The following SHROOM3 variants were observed in gnomAD, a reference collection of about 807,000 sequenced individuals.
SHROOM3 encodes the protein protein Shroom3.
In SHROOM3, 47 loss-of-function variants were observed where a neutral mutation model predicts 138.6. That is an observed-to-expected ratio of 0.34 (90% CI 0.27 to 0.43). SHROOM3 has a LOEUF of 0.43. Among genes scored for constraint, SHROOM3 ranks in the 20% least tolerant of loss-of-function variants. The pLI is 1.00. For synonymous variants in SHROOM3, 1,062 were observed against 1,063.3 expected, an observed-to-expected ratio of 1.00 and a Z score of 0.02; for missense variants, 2,491 against 2,596.5, an observed-to-expected ratio of 0.96 and a Z score of 0.88.
At chr4:76,654,148 G>A (rs1736017152) in intron 2 of SHROOM3, among the ~76,000 whole-genome samples, 1 of 152,166 alleles carries the variant, frequency 6.6e-6, no homozygotes, top group African/African-American at 2.4e-5. Context: ...TCTTAGATAA[G>A]TGGGTAGAGG....
At chr4:76,774,813 T>G (rs955491825) in intron 10 of SHROOM3, among the ~76,000 whole-genome samples, 3 of 151,822 alleles carry the variant, frequency 2.0e-5, no homozygotes, top group African/African-American at 7.3e-5. Context: ...CAGGCATTAT[T>G]ATGTAAGATG....
Position 76,468,133 on chromosome 4 carries a change from A to T in SHROOM3, c.168+31913A>T, listed in dbSNP as rs966706476. Among the ~76,000 whole-genome samples the T allele has an allele frequency of 4.6e-5, 7 of 152,370 alleles. No individual in the cohort carries two copies. The South Asian group carries it at 1.4e-3, about 32-fold the overall frequency. ...CTACAAGTCAGAGTAATAGGACTTCATCAGAAGGGCTGGAACTAATTTTTG... is the reference window on the plus strand; with the variant it reads ...CTACAAGTCAGAGTAATAGGACTTCTTCAGAAGGGCTGGAACTAATTTTTG... On this transcript the variant is annotated intron_variant, in intron 1 of 10. Coordinates refer to ENST00000296043, the MANE Select transcript of SHROOM3 (RefSeq NM_020859.4).
chr4:76,716,160 A>T (rs531123925), intron 3 of SHROOM3: 59 of 382,996 alleles, frequency 1.5e-4, no homozygotes, highest in African/African-American at 1.2e-3. Flanking sequence ...CAGAGCAGGA[A>T]TTGAATTTTA....
At chr4:76,772,136 CT>C (rs1722382942) in intron 10 of SHROOM3, among the ~76,000 whole-genome samples, 2 of 142,688 alleles carry the variant, frequency 1.4e-5, no homozygotes, top group Non-Finnish European at 3.0e-5. Context: ...CAGAGTCTCA[CT>C]CCGTCACCCA....
chr4:76,753,327 TTC>T (rs1280312976), intron 6 of SHROOM3, among the ~76,000 whole-genome samples: 1 of 152,242 alleles, frequency 6.6e-6, no homozygotes, highest in Non-Finnish European at 1.5e-5. Context: ...ACATGCTGCA[TTC>T]TGTTTGCCTG....
At chr4:76,543,632 G>A (rs1579225073) in intron 1 of SHROOM3, among the ~76,000 whole-genome samples, 2 of 152,286 alleles carry the variant, frequency 1.3e-5, no homozygotes, top group South Asian at 4.1e-4. Context: ...AGTGACCCTA[G>A]CTTACAGAGT....
intron 9 of SHROOM3, among the ~76,000 whole-genome samples, chr4:76,765,134 ATAT>A (rs1722109977): frequency 6.7e-6 from 1 of 149,814 alleles, no homozygotes; most frequent in Non-Finnish European, 1.5e-5. Context: ...TTAATTTCAA[ATAT>A]TATAGTTTTC....
At chr4:76,581,274 C>T (rs1283409264) in intron 2 of SHROOM3, among the ~76,000 whole-genome samples, 1 of 151,804 alleles carries the variant, frequency 6.6e-6, no homozygotes, top group Admixed American at 6.6e-5. Flanking sequence ...CTTGGTTTCC[C>T]CAAAGAATTA....
intron 1 of SHROOM3, among the ~76,000 whole-genome samples, chr4:76,543,137 G>T (rs568794260): frequency 1.3e-5 from 2 of 152,162 alleles, no homozygotes; most frequent in African/African-American, 4.8e-5. Flanking sequence ...ACAGACTAGT[G>T]GGGGGCACAG....
intron 1 of SHROOM3, among the ~76,000 whole-genome samples, chr4:76,457,341 C>T (rs1731048172): frequency 6.6e-6 from 1 of 152,084 alleles, no homozygotes; most frequent in South Asian, 2.1e-4. Flanking sequence ...CCCTCACTCT[C>T]TCCTTCTCCT....
intron 1 of SHROOM3, among the ~76,000 whole-genome samples, chr4:76,444,729 C>T (rs1239387694): frequency 6.6e-6 from 1 of 151,462 alleles, no homozygotes; most frequent in Non-Finnish European, 1.5e-5. Flanking sequence ...CTCCTGACTT[C>T]GTGATCCGCC....
intron 2 of SHROOM3, among the ~76,000 whole-genome samples, chr4:76,585,921 CTGCCG>C (rs1734141912): frequency 6.6e-6 from 1 of 152,208 alleles, no homozygotes; most frequent in African/African-American, 2.4e-5. Flanking sequence ...GCAGATAAAG[CTGCCG>C]ACGCTGTGTT....
At chr4:76,660,706 C>G (rs565010255) in intron 2 of SHROOM3, among the ~76,000 whole-genome samples, 1 of 152,142 alleles carries the variant, frequency 6.6e-6, no homozygotes, top group Non-Finnish European at 1.5e-5. Flanking sequence ...AAACTCCTGA[C>G]CTCAGGTAAT....
intron 1 of SHROOM3, among the ~76,000 whole-genome samples, chr4:76,456,109 C>T (rs1340774497): frequency 2.0e-5 from 3 of 152,048 alleles, no homozygotes; most frequent in African/African-American, 7.2e-5. Flanking sequence ...CTGGTTCAAG[C>T]GATTCTCCTG....
At chr4:76,580,441 A>G (rs1011213552) in intron 2 of SHROOM3, among the ~76,000 whole-genome samples, 5 of 144,844 alleles carry the variant, frequency 3.5e-5, no homozygotes, top group African/African-American at 1.3e-4. Context: ...GACCTTGGGC[A>G]AGTTCTTTTT....
chr4:76,749,149 C>A, intron 6 of SHROOM3, 59 bp downstream of exon 6: 1 of 1,455,554 alleles, frequency 6.9e-7, no homozygotes, highest in South Asian at 1.1e-5. Flanking sequence ...TTAAACTACT[C>A]TTGTTCCTTT....
chr4:76,775,448 G>A (rs1470222892), intron 10 of SHROOM3, among the ~76,000 whole-genome samples: 1 of 152,010 alleles, frequency 6.6e-6, no homozygotes, highest in Non-Finnish European at 1.5e-5. Flanking sequence ...CTGCTGGTGG[G>A]AATGTAAACT....
At chr4:76,580,858 C>T (rs1734038378) in intron 2 of SHROOM3, among the ~76,000 whole-genome samples, 1 of 152,146 alleles carries the variant, frequency 6.6e-6, no homozygotes, top group South Asian at 2.1e-4. Context: ...CTGCCTGATG[C>T]CTAGTAAACA....
intron 3 of SHROOM3, among the ~76,000 whole-genome samples, chr4:76,715,194 T>C (rs1218142182): frequency 6.6e-6 from 1 of 152,168 alleles, no homozygotes; most frequent in African/African-American, 2.4e-5. Flanking sequence ...TATATATATA[T>C]TCATAGCTCC....
Sources: allele counts gnomAD v4.1 joint callset (sites outside exome capture counted in the v4.1 genomes callset), GRCh38; gene constraint gnomAD v4.1.1; transcripts MANE v1.5; gene names NCBI Gene and HGNC (gene_info 2026-07-23, HGNC 2026-07-21).